The following NCAM2 variants were observed in gnomAD, a reference collection of about 807,000 sequenced individuals.
The protein encoded by NCAM2 is N-CAM-2.
In NCAM2, 30 loss-of-function variants were observed where a neutral mutation model predicts 98.1. The observed-to-expected ratio is 0.31, with a 90% confidence interval of 0.23 to 0.41. The LOEUF (loss-of-function observed/expected upper bound fraction) is 0.41. NCAM2 is among the 10% of genes least tolerant of loss of function. The pLI is 1.00. For synonymous variants in NCAM2, 368 were observed against 342.4 expected, an observed-to-expected ratio of 1.07 and a Z score of -0.83; for missense variants, 867 against 1,005.8, an observed-to-expected ratio of 0.86 and a Z score of 1.87.
chr21:21,211,797 A>G (rs1028881070), intron 1 of NCAM2, among the ~76,000 whole-genome samples: 1 of 152,166 alleles, frequency 6.6e-6, no homozygotes, highest in Non-Finnish European at 1.5e-5. Flanking sequence ...CCTATGGTAG[A>G]AATATACTGT....
intron 5 of NCAM2, among the ~76,000 whole-genome samples, chr21:21,293,260 T>A (rs1004807767): frequency 1.3e-5 from 2 of 151,536 alleles, no homozygotes; most frequent in African/African-American, 4.8e-5. Context: ...TTCTCTATCA[T>A]GTTGTTTTCC....
At chr21:21,001,794 C>T (rs1483277420) in intron 1 of NCAM2, among the ~76,000 whole-genome samples, 1 of 152,162 alleles carries the variant, frequency 6.6e-6, no homozygotes, top group Non-Finnish European at 1.5e-5. Flanking sequence ...AAGCCAAAAT[C>T]GTGAGGAAAG....
intron 16 of NCAM2, among the ~76,000 whole-genome samples, chr21:21,524,613 G>GA (rs1054033157): frequency 5.9e-5 from 9 of 151,676 alleles, no homozygotes; most frequent in South Asian, 2.1e-4. Flanking sequence ...GGAAAAAAGA[G>GA]AAAAAAATAA....
chr21:21,225,003 G>A (rs537458008), intron 1 of NCAM2, among the ~76,000 whole-genome samples: 1 of 152,176 alleles, frequency 6.6e-6, no homozygotes, highest in African/African-American at 2.4e-5. Context: ...AAAAGACATG[G>A]AATCAACCCA....
chr21:21,453,650 G>T (rs1046442876), intron 12 of NCAM2, among the ~76,000 whole-genome samples: 13 of 152,024 alleles, frequency 8.6e-5, no homozygotes, highest in African/African-American at 2.9e-4. Flanking sequence ...AAATTTTGGG[G>T]TTAGAAAAGT....
intron 1 of NCAM2, among the ~76,000 whole-genome samples, chr21:21,258,561 G>T (rs1274341441): frequency 6.6e-6 from 1 of 152,080 alleles, no homozygotes; most frequent in Non-Finnish European, 1.5e-5. Flanking sequence ...TGCTGGGGAG[G>T]CCCTCCACCC....
chr21:21,504,147 A>G (rs906458805), intron 15 of NCAM2, among the ~76,000 whole-genome samples: 2 of 152,040 alleles, frequency 1.3e-5, no homozygotes, highest in East Asian at 1.9e-4. Context: ...TGAATATCCA[A>G]GATAAAATGT....
chr21:21,065,983 G>C (rs1485081116), intron 1 of NCAM2, among the ~76,000 whole-genome samples: 3 of 152,148 alleles, frequency 2.0e-5, no homozygotes, highest in African/African-American at 7.2e-5. Flanking sequence ...GGTATATGCA[G>C]AACAGATGCC....
intron 1 of NCAM2, among the ~76,000 whole-genome samples, chr21:21,005,430 T>C (rs2064093493): frequency 6.6e-6 from 1 of 152,144 alleles, no homozygotes; most frequent in Non-Finnish European, 1.5e-5. Flanking sequence ...AATGAAAAAG[T>C]GCACCCATTT....
chr21:21,170,862 A>T (rs2068099666), intron 1 of NCAM2, among the ~76,000 whole-genome samples: 1 of 152,076 alleles, frequency 6.6e-6, no homozygotes, highest in Admixed American at 6.6e-5. Flanking sequence ...TGGTGTGGGG[A>T]CAGGGCTATA....
intron 1 of NCAM2, among the ~76,000 whole-genome samples, chr21:21,024,728 A>T (rs2064507031): frequency 6.6e-6 from 1 of 151,932 alleles, no homozygotes. Context: ...ATACAGAAAA[A>T]GAAAAAAAAT....
At chr21:21,235,422 G>A (rs543723401) in intron 1 of NCAM2, among the ~76,000 whole-genome samples, 29 of 151,878 alleles carry the variant, frequency 1.9e-4, no homozygotes, top group Admixed American at 3.9e-4. Flanking sequence ...GTAAATTAAC[G>A]TGACCAGCAT....
chr21:21,531,942 G>A (rs912720952), intron 16 of NCAM2, among the ~76,000 whole-genome samples: 2 of 150,880 alleles, frequency 1.3e-5, no homozygotes, highest in African/African-American at 4.9e-5. Context: ...GCAGTGAGCC[G>A]AGATCACGCC....
intron 16 of NCAM2, among the ~76,000 whole-genome samples, chr21:21,524,016 AC>A (rs1409053618): frequency 6.6e-4 from 99 of 149,380 alleles, no homozygotes; most frequent in African/African-American, 2.3e-3. Context: ...ATAAAAAAAA[AC>A]GAGACCCAAC....
At chr21:21,040,180 G>T (rs547298770) in intron 1 of NCAM2, among the ~76,000 whole-genome samples, 30 of 152,254 alleles carry the variant, frequency 2.0e-4, no homozygotes, top group African/African-American at 6.7e-4. Flanking sequence ...GGAAAAAACT[G>T]TAGAGGATAT....
At chr21:21,320,447 G>A (rs932923778) in intron 5 of NCAM2, among the ~76,000 whole-genome samples, 1 of 151,890 alleles carries the variant, frequency 6.6e-6, no homozygotes, top group Non-Finnish European at 1.5e-5. Context: ...TCATTAAATA[G>A]CACTTTAAAT....
intron 9 of NCAM2, among the ~76,000 whole-genome samples, chr21:21,391,973 G>A (rs188463745): frequency 1.1e-3 from 173 of 152,220 alleles, no homozygotes; most frequent in African/African-American, 4.1e-3. Context: ...AGGGGTACAA[G>A]TACTGGTTTG....
chr21:21,197,685 T>G (rs960324179), intron 1 of NCAM2, among the ~76,000 whole-genome samples: 6 of 152,210 alleles, frequency 3.9e-5, no homozygotes, highest in African/African-American at 1.2e-4. Flanking sequence ...ATATCGTTTC[T>G]GTGTTTTCTC....
chr21:21,135,488 G>T (rs1458316571), intron 1 of NCAM2, among the ~76,000 whole-genome samples: 2 of 152,134 alleles, frequency 1.3e-5, no homozygotes, highest in Non-Finnish European at 2.9e-5. Context: ...TAGAACTGAA[G>T]TTACTTAACA....
Sources: allele counts gnomAD v4.1 joint callset (sites outside exome capture counted in the v4.1 genomes callset), GRCh38; gene constraint gnomAD v4.1.1; transcripts MANE v1.5; gene names NCBI Gene and HGNC (gene_info 2026-07-23, HGNC 2026-07-21).